The following SLC44A5 variants were observed in gnomAD, a reference collection of about 807,000 sequenced individuals.
SLC44A5 encodes choline transporter-like protein 5.
In SLC44A5, 57 loss-of-function variants were observed where a neutral mutation model predicts 101.8. The observed-to-expected ratio is 0.56, with a 90% CI of 0.45 to 0.70. SLC44A5 has a LOEUF of 0.70. Among genes scored for constraint, SLC44A5 ranks in the 30% least tolerant of loss-of-function variants. The pLI, the probability that SLC44A5 is intolerant of heterozygous loss-of-function variation, is 0.00. For missense variants in SLC44A5, 737 were observed against 853.1 expected, an observed-to-expected ratio of 0.86 and a Z score of 1.70; for synonymous variants, 281 against 290.9, an observed-to-expected ratio of 0.97 and a Z score of 0.35.
intron 4 of SLC44A5, among the ~76,000 whole-genome samples, chr1:75,302,270 T>C (rs781377152): frequency 1.3e-5 from 2 of 151,936 alleles, no homozygotes; most frequent in East Asian, 1.9e-4. Context: ...CAACACCGAA[T>C]AGAAAATGCA....
At chr1:75,527,644 G>A (rs542579150) in intron 2 of SLC44A5, among the ~76,000 whole-genome samples, 6 of 151,942 alleles carry the variant, frequency 3.9e-5, no homozygotes, top group African/African-American at 1.2e-4. Context: ...CATTTCCAAT[G>A]AACAATTTTA....
chr1:75,672,030 C>T, the SLC44A5 span, among the ~76,000 whole-genome samples: 1 of 150,382 alleles, frequency 6.6e-6, no homozygotes, highest in Non-Finnish European at 1.5e-5. Context: ...ACCACAGCAA[C>T]ACCAAACTGA....
chr1:75,681,932 G>T, the SLC44A5 span, among the ~76,000 whole-genome samples: 1 of 152,212 alleles, frequency 6.6e-6, no homozygotes, highest in Non-Finnish European at 1.5e-5. Context: ...AAATCAATGT[G>T]CAAAAATCAC....
rs149531904 is a variant in SLC44A5 at position 75,244,264 on chromosome 1, G to A, written c.346-1253C>T. 3.9e-5 allele frequency among the ~76,000 whole-genome samples: 6 copies of A among 152,148 alleles called. No homozygotes were observed. The East Asian group carries it at 5.8e-4, about 15-fold the overall frequency. ...TGTTTCTGTGTGCCTGTGTATGTGCGTAGTTCTATGCCATTTTATCAGACA... is the reference window on the plus strand; with the variant it reads ...TGTTTCTGTGTGCCTGTGTATGTGCATAGTTCTATGCCATTTTATCAGACA... On this transcript the variant is annotated intron_variant, in intron 7 of 23. Coordinates refer to ENST00000370859, the MANE Select transcript of SLC44A5 (RefSeq NM_001130058.2).
chr1:75,220,924 T>A (rs547479493), intron 14 of SLC44A5, among the ~76,000 whole-genome samples: 3 of 152,204 alleles, frequency 2.0e-5, no homozygotes, highest in African/African-American at 7.2e-5. Context: ...ACCTATTTAT[T>A]TCAGTCCTTA....
At chr1:75,265,635 TATTACAC>T (rs1446845052) in intron 6 of SLC44A5, among the ~76,000 whole-genome samples, 1 of 152,202 alleles carries the variant, frequency 6.6e-6, no homozygotes, top group Non-Finnish European at 1.5e-5. Flanking sequence ...CTGACTTGAA[TATTACAC>T]ATTTTATGCA....
chr1:75,376,948 A>C (rs1660669167), intron 3 of SLC44A5, among the ~76,000 whole-genome samples: 1 of 152,306 alleles, frequency 6.6e-6, no homozygotes, highest in East Asian at 1.9e-4. Context: ...AGAAGAATGT[A>C]AAACTAGAAT....
the SLC44A5 span, among the ~76,000 whole-genome samples, chr1:75,632,531 C>T: frequency 2.0e-5 from 3 of 152,114 alleles, no homozygotes; most frequent in East Asian, 5.8e-4. Flanking sequence ...ACAAATGCTG[C>T]CTCCCTTCAC....
At position 75,381,904 on chromosome 1, in the gene SLC44A5, G is replaced by C. The variant is rs1660941421; in HGVS notation, c.52+14679C>G. 2.5e-5 allele frequency among the ~76,000 whole-genome samples: 2 copies of C among 81,180 alleles called. 1 individual carries two copies. Among genetic ancestry groups the C allele is most frequent in the Non-Finnish European group, 4.2e-5 (2 of 47,542 alleles). 53.3% of individuals were successfully genotyped at this position (81,180 alleles called of 152,430 possible). On this transcript the variant is annotated intron_variant, in intron 3 of 23. Transcript: ENST00000370859. ...AGCTACGGCTGCTGTAGCAGGAGTT[G>C]CATTGCATTCTTCTGTTCAGTCAGT...
chr1:75,407,675 T>C (rs1662968384), intron 2 of SLC44A5, among the ~76,000 whole-genome samples: 1 of 152,192 alleles, frequency 6.6e-6, no homozygotes, highest in Admixed American at 6.5e-5. Flanking sequence ...AAAGTGAAAT[T>C]TGACCCCTTC....
intron 4 of SLC44A5, among the ~76,000 whole-genome samples, chr1:75,318,032 T>C (rs1343044983): frequency 6.6e-6 from 1 of 152,174 alleles, no homozygotes; most frequent in Non-Finnish European, 1.5e-5. Context: ...CCATCCCTCT[T>C]GCATACAGTA....
chr1:75,471,891 A>G (rs1485383045), intron 2 of SLC44A5, among the ~76,000 whole-genome samples: 1 of 151,420 alleles, frequency 6.6e-6, no homozygotes, highest in Non-Finnish European at 1.5e-5. Context: ...TTTTTCTCTG[A>G]TCTATATTTA....
chr1:75,592,887 A>G (rs916346272), intron 1 of SLC44A5, among the ~76,000 whole-genome samples: 3 of 152,162 alleles, frequency 2.0e-5, no homozygotes, highest in Non-Finnish European at 4.4e-5. Context: ...CTATGAAACT[A>G]CTATAAGAAA....
intron 3 of SLC44A5, among the ~76,000 whole-genome samples, chr1:75,358,918 T>C (rs1659278964): frequency 6.6e-6 from 1 of 152,164 alleles, no homozygotes; most frequent in Non-Finnish European, 1.5e-5. Flanking sequence ...TGCTGTGCTA[T>C]AGATCTCAAA....
chr1:75,632,987 G>T, the SLC44A5 span, among the ~76,000 whole-genome samples: 1 of 152,248 alleles, frequency 6.6e-6, no homozygotes, highest in African/African-American at 2.4e-5. Context: ...TTATACCAAT[G>T]ACAAATATTT....
intron 1 of SLC44A5, among the ~76,000 whole-genome samples, chr1:75,603,187 T>TAGACA (rs1675091487): frequency 6.6e-6 from 1 of 152,078 alleles, no homozygotes; most frequent in African/African-American, 2.4e-5. Flanking sequence ...TTTATGTCTA[T>TAGACA]TAGTACCTGT....
At chr1:75,232,446 C>CTT in intron 12 of SLC44A5, among the ~76,000 whole-genome samples, 1 of 149,558 alleles carries the variant, frequency 6.7e-6, no homozygotes, top group South Asian at 2.1e-4. Flanking sequence ...GTTTAAACAA[C>CTT]TTTTTTTTTT....
At chr1:75,649,508 G>A in the SLC44A5 span, among the ~76,000 whole-genome samples, 1 of 152,096 alleles carries the variant, frequency 6.6e-6, no homozygotes, top group Admixed American at 6.6e-5. Flanking sequence ...GGGGATCCTT[G>A]GGAAAAATTT....
At chr1:75,289,496 G>A (rs2100815870) in intron 5 of SLC44A5, among the ~76,000 whole-genome samples, 1 of 152,294 alleles carries the variant, frequency 6.6e-6, no homozygotes, top group East Asian at 1.9e-4. Context: ...GTGCCCAGAA[G>A]TACTCCATTC....
Sources: allele counts gnomAD v4.1 joint callset (sites outside exome capture counted in the v4.1 genomes callset), GRCh38; gene constraint gnomAD v4.1.1; transcripts MANE v1.5; gene names NCBI Gene and HGNC (gene_info 2026-07-23, HGNC 2026-07-21).